Variants in PCDHGA9 observed in about 807,000 individuals in gnomAD.
The protein encoded by PCDHGA9 is protocadherin gamma subfamily A, 9, also known as protocadherin gamma-A9.
A neutral mutation model predicts 62.5 loss-of-function variants in PCDHGA9; 37 were observed. The ratio of observed to expected loss-of-function variants is 0.59; its 90% confidence interval spans 0.46 to 0.78. The LOEUF is 0.78. Ranked by LOEUF, PCDHGA9 falls within the 30% of genes least tolerant of loss-of-function variation. The pLI is 0.00. For synonymous variants in PCDHGA9, 459 were observed against 484.6 expected, an observed-to-expected ratio of 0.95 and a Z score of 0.69; for missense variants, 1,138 against 1,166.2, an observed-to-expected ratio of 0.98 and a Z score of 0.35.
At chr5:141,419,125 C>T in intron 1 of PCDHGA9, 1 of 1,613,852 alleles carries the variant, frequency 6.2e-7, no homozygotes, top group South Asian at 1.1e-5. Flanking sequence ...ACGTCACCAT[C>T]GCAGCCACAG....
chr5:141,438,368 G>A (rs1216571092), intron 1 of PCDHGA9, among the ~76,000 whole-genome samples: 2 of 151,558 alleles, frequency 1.3e-5, no homozygotes, highest in African/African-American at 4.8e-5. Context: ...GTCATTGAGG[G>A]CAGATATAAT....
At chr5:141,494,680 C>A in intron 1 of PCDHGA9, 127 bp from the exon 2 acceptor site, 1 of 1,560,094 alleles carries the variant, frequency 6.4e-7, no homozygotes, top group Non-Finnish European at 8.7e-7. Flanking sequence ...CCACCCCTGC[C>A]CCCTCTTAGT....
At chr5:141,505,532 G>A in intron 3 of PCDHGA9, 51 bp downstream of exon 3, 2 of 1,611,270 alleles carry the variant, frequency 1.2e-6, no homozygotes, top group Non-Finnish European at 1.7e-6. Context: ...GGGGTTCTGG[G>A]GTGCATCTCA....
rs147057088 is a variant in PCDHGA9 at position 141,432,065 on chromosome 5, A to C, written c.2424+26689A>C. 6.2e-7 allele frequency: 1 copy of C among 1,613,930 alleles called. No individual in the cohort carries two copies. Among genetic ancestry groups the C allele is most frequent in the Non-Finnish European group, 8.5e-7 (1 of 1,180,014 alleles). On this transcript the variant is annotated intron_variant, in intron 1 of 3. Coordinates refer to ENST00000573521, the MANE Select transcript of PCDHGA9 (RefSeq NM_018921.3). This position sits in a 1 kb window ranked among gnomAD's most constrained non-coding sequence, Gnocchi z 6.0. ...GGGAACCCCGCCCCTATCCACGGAA[A>C]CTCATATCTCGCTGAACGTGGCAGA...
rs1163950013 is a variant in PCDHGA9 at position 141,512,955 on chromosome 5, A to G, written c.*1782A>G. 2 of 152,234 alleles carry G rather than the reference A, an allele frequency of 1.3e-5. No homozygotes were observed. The highest frequency in any genetic ancestry group is 2.9e-5 in the Non-Finnish European group (2 of 68,046). The allele number at this position is 152,234 out of a possible 1,614,324, so 9.4% of individuals were successfully genotyped here. ...GCTTTTTTTCTTCGACAAAAAAATA[A>G]TAAAACGTTTCTTCTGAAAAGCTGA... On this transcript the variant is annotated 3_prime_UTR_variant, in exon 4 of 4. Coordinates refer to ENST00000573521, the MANE Select transcript of PCDHGA9 (RefSeq NM_018921.3).
rs2099609528 is a variant in PCDHGA9 at position 141,485,211 on chromosome 5, G to A, written c.2425-9596G>A. 6.2e-7 allele frequency: 1 copy of A among 1,614,126 alleles called. No individual in the cohort carries two copies. The highest frequency in any genetic ancestry group is 8.5e-7 in the Non-Finnish European group (1 of 1,179,980). Reference sequence around the variant, plus strand: ...GTGAGAAGCTGGACAGAAATCTGGCGGTGGGCTACCCTTTTGTTCCTCTTT... The same window carrying A: ...GTGAGAAGCTGGACAGAAATCTGGCAGTGGGCTACCCTTTTGTTCCTCTTT... On this transcript the variant is annotated intron_variant, in intron 1 of 3. Transcript: ENST00000573521. This position sits in a 1 kb window ranked among gnomAD's most constrained non-coding sequence, Gnocchi z 5.7.
chr5:141,405,746 G>A (rs1174743960), intron 1 of PCDHGA9, among the ~76,000 whole-genome samples: 1 of 152,108 alleles, frequency 6.6e-6, no homozygotes, highest in Non-Finnish European at 1.5e-5. Context: ...CCAAAGCACT[G>A]GGATTACAGG....
rs2098680935 is a variant in PCDHGA9, at chr5:141,450,471, G to A, written c.2425-44336G>A. 2.0e-5 allele frequency among the ~76,000 whole-genome samples: 3 copies of A among 147,910 alleles called. No homozygotes were observed. In the South Asian group the frequency reaches 6.2e-4, roughly 31 times the overall value. ...GTTTCCTCGTGATTTTATATATAGA[G>A]TTTGTTTGTTTGTTTGTCTGTTTGT... On this transcript the variant is annotated intron_variant, in intron 1 of 3. Transcript: ENST00000573521.
At chr5:141,426,986 C>A (rs764345099) in intron 1 of PCDHGA9, 6 of 456,618 alleles carry the variant, frequency 1.3e-5, no homozygotes, top group Non-Finnish European at 2.2e-5. Flanking sequence ...CTGATGCCAA[C>A]GATAATGCCC....
At chr5:141,426,882 C>A (rs528411309) in intron 1 of PCDHGA9, 1 of 456,664 alleles carries the variant, frequency 2.2e-6, no homozygotes, top group African/African-American at 2.0e-5. Context: ...GCCCCTGGGC[C>A]AGGAGCAACA....
chr5:141,440,990 C>T (rs1195325115), intron 1 of PCDHGA9: 2 of 152,172 alleles, frequency 1.3e-5, no homozygotes, highest in African/African-American at 4.8e-5. Flanking sequence ...CCAGAGTACC[C>T]ATATCTAGTT....
chr5:141,455,158 T>TG (rs1279537888), intron 1 of PCDHGA9, among the ~76,000 whole-genome samples: 46 of 145,032 alleles, frequency 3.2e-4, no homozygotes, highest in African/African-American at 1.0e-3. Flanking sequence ...ATTAGTTTGT[T>TG]GGTTTTTTTT....
chr5:141,421,388 G>A (rs369403750), intron 1 of PCDHGA9: 1 of 1,613,934 alleles, frequency 6.2e-7, no homozygotes, highest in Non-Finnish European at 8.5e-7. Context: ...AAGGACCTGG[G>A]GCTGGAGCCC....
At chr5:141,420,076 TC>T (rs2096464805) in intron 1 of PCDHGA9, 2 of 1,613,956 alleles carry the variant, frequency 1.2e-6, no homozygotes, top group East Asian at 2.2e-5. Flanking sequence ...GACCTGTGGG[TC>T]CCCCCAACTA....
intron 1 of PCDHGA9, 31 bp downstream of exon 1, chr5:141,405,407 CTT>C (rs762612492): frequency 6.3e-7 from 1 of 1,581,924 alleles, no homozygotes; most frequent in African/African-American, 1.4e-5. Flanking sequence ...TCTTTCTTTT[CTT>C]TTTTTGTTTT....
chr5:141,419,259 C>G, intron 1 of PCDHGA9: 4 of 1,614,016 alleles, frequency 2.5e-6, no homozygotes, highest in Non-Finnish European at 2.5e-6. Context: ...AACAACCAGC[C>G]GGGTGCCTCC....
At chr5:141,480,910 T>C (rs985100480) in intron 1 of PCDHGA9, among the ~76,000 whole-genome samples, 5 of 152,106 alleles carry the variant, frequency 3.3e-5, no homozygotes, top group Non-Finnish European at 7.4e-5. Flanking sequence ...CTGGGCATGG[T>C]GGCGCATACC....
Position 141,405,389 on chromosome 5 carries a change from T to A in PCDHGA9, c.2424+13T>A. ...CCCTTTGGTTCCGGTGAGTTCATTT[T>A]TTTTCTTTCTTTCTTTTCTTTTTTT... On this transcript the variant is annotated intron_variant, in intron 1 of 3. Coordinates refer to ENST00000573521, the MANE Select transcript of PCDHGA9 (RefSeq NM_018921.3). The A allele has an allele frequency of 7.5e-6, 12 of 1,600,534 alleles. No homozygotes were observed. The highest frequency in any genetic ancestry group is 8.5e-6 in the Non-Finnish European group (10 of 1,174,394).
chr5:141,500,309 C>T (rs777434466), intron 2 of PCDHGA9, among the ~76,000 whole-genome samples: 2 of 151,602 alleles, frequency 1.3e-5, no homozygotes, highest in Non-Finnish European at 2.9e-5. Flanking sequence ...CCCAGGTTCA[C>T]GCCATGCTCC....
Sources: allele counts gnomAD v4.1 joint callset (sites outside exome capture counted in the v4.1 genomes callset), GRCh38; gene constraint gnomAD v4.1.1; non-coding constraint Gnocchi (gnomAD v3.1); transcripts MANE v1.5; gene names NCBI Gene and HGNC (gene_info 2026-07-23, HGNC 2026-07-21).